The following FAAH2 variants were observed in gnomAD, a reference collection of about 807,000 sequenced individuals.
FAAH2 encodes fatty acid amide hydrolase 2.
In FAAH2, 60 loss-of-function variants were observed where a neutral mutation model predicts 36.9. The observed-to-expected ratio is 1.63, with a 90% CI of 1.32 to 2.02. The LOEUF (loss-of-function observed/expected upper bound fraction) is 2.02, where lower values mean the gene tolerates loss of function less well. Ranked by LOEUF, FAAH2 falls within the 30% of genes most tolerant of loss-of-function variation. The pLI is 0.00. For synonymous variants in FAAH2, 214 were observed against 143.8 expected (o/e 1.49, Z -3.49); for missense variants, 689 against 397.5 (o/e 1.73, Z -6.23).
intron 3 of FAAH2, among the ~76,000 whole-genome samples, chrX:57,325,631 G>A (rs1019805822): frequency 5.0e-4 from 49 of 98,207 alleles, no homozygotes; most frequent in African/African-American, 1.5e-3. Flanking sequence ...TTGCATACAG[G>A]TGTTTATAGT....
the FAAH2 span, among the ~76,000 whole-genome samples, chrX:57,193,560 C>T: frequency 9.0e-6 from 1 of 111,457 alleles, no homozygotes; most frequent in Non-Finnish European, 1.9e-5. Context: ...GCTGGTTTTG[C>T]AGCTTGTGGA....
At chrX:57,465,393 A>C (rs2147229826) in intron 10 of FAAH2, among the ~76,000 whole-genome samples, 1 of 111,659 alleles carries the variant, frequency 9.0e-6, no homozygotes, top group Admixed American at 9.6e-5. Context: ...TAAGTAGGAC[A>C]AATGCAAAGA....
At chrX:57,206,685 G>A in the FAAH2 span, among the ~76,000 whole-genome samples, 2 of 112,092 alleles carry the variant, frequency 1.8e-5, no homozygotes, top group East Asian at 2.8e-4. Context: ...GTCTTGCTCA[G>A]CTAAGGGGAT....
chrX:57,253,924 T>C, the FAAH2 span, among the ~76,000 whole-genome samples: 1 of 111,563 alleles, frequency 9.0e-6, no homozygotes, highest in African/African-American at 3.3e-5. Context: ...CACATAACAA[T>C]ATTAACCTTA....
the FAAH2 span, among the ~76,000 whole-genome samples, chrX:57,171,656 T>C: frequency 8.9e-6 from 1 of 112,026 alleles, no homozygotes; most frequent in Non-Finnish European, 1.9e-5. Context: ...AGATTCTGGA[T>C]ATTAGTCTTC....
At chrX:57,403,023 C>T (rs966024092) in intron 7 of FAAH2, among the ~76,000 whole-genome samples, 4 of 111,972 alleles carry the variant, frequency 3.6e-5, no homozygotes, top group Non-Finnish European at 5.6e-5. Context: ...AAGGATTGTC[C>T]TAACCCTTGT....
chrX:57,440,443 AT>A (rs752600752), intron 8 of FAAH2, among the ~76,000 whole-genome samples: 4 of 111,193 alleles, frequency 3.6e-5, no homozygotes, highest in Non-Finnish European at 7.5e-5. Flanking sequence ...ATTTTTGCGC[AT>A]TGATTTTGTA....
At chrX:57,179,922 G>A in the FAAH2 span, among the ~76,000 whole-genome samples, 1 of 111,968 alleles carries the variant, frequency 8.9e-6, no homozygotes, top group Non-Finnish European at 1.9e-5. Context: ...AACACCCTCA[G>A]ATAACAGCAC....
chrX:57,488,886 A>G lies in FAAH2; in HGVS notation c.1553A>G (p.Tyr518Cys), dbSNP rs145187637. 122 of 1,208,672 alleles carry G rather than the reference A, an allele frequency of 1.0e-4. No individual in the cohort carries two copies. The African/African-American group carries it at 2.0e-3, about 20-fold the overall frequency. ...NDHLTLAVAQYLEKTFGGWVC... is the reference protein window; with the variant it reads ...NDHLTLAVAQCLEKTFGGWVC... The stretch of plus-strand genomic sequence containing the variant: ...CATCTGACCCTGGCTGTGGCCCAGT[A>G]CTTGGAGAAAACTTTTGGGGGCTGG... The change falls in exon 11 of 11, where the codon TAC becomes TGC. Residue 518 changes from tyrosine to cysteine, a missense_variant. Coordinates refer to ENST00000374900, the MANE Select transcript of FAAH2 (RefSeq NM_174912.4).
the FAAH2 span, among the ~76,000 whole-genome samples, chrX:57,163,304 C>G: frequency 0.01 from 1,147 of 112,187 alleles, 11 homozygotes; most frequent in Middle Eastern, 0.023. Flanking sequence ...GAAGTTACTG[C>G]TGTCTTTTTT....
At chrX:57,257,024 A>T in the FAAH2 span, among the ~76,000 whole-genome samples, 1 of 112,452 alleles carries the variant, frequency 8.9e-6, no homozygotes. Context: ...AATGGCAACC[A>T]TTAAAAAGTC....
intron 2 of FAAH2, among the ~76,000 whole-genome samples, chrX:57,293,382 GA>G (rs1388883403): frequency 3.6e-5 from 4 of 112,061 alleles, no homozygotes; most frequent in Admixed American, 9.5e-5. Flanking sequence ...ATATTTTAAT[GA>G]AATATAAGTA....
chrX:57,304,847 A>T (rs913602575), intron 2 of FAAH2, among the ~76,000 whole-genome samples: 8 of 111,572 alleles, frequency 7.2e-5, no homozygotes, highest in African/African-American at 2.6e-4. Context: ...TATTGTGAGG[A>T]TGGAACAACT....
At chrX:57,139,129 AG>A in the FAAH2 span, among the ~76,000 whole-genome samples, 1 of 112,433 alleles carries the variant, frequency 8.9e-6, no homozygotes, top group East Asian at 2.8e-4. Flanking sequence ...ATCGTTGCTC[AG>A]ACCAATGTCC....
intron 10 of FAAH2, among the ~76,000 whole-genome samples, chrX:57,478,320 A>C (rs1217143084): frequency 4.5e-5 from 5 of 110,930 alleles, no homozygotes; most frequent in African/African-American, 1.6e-4. Flanking sequence ...TCCTTTGCCC[A>C]CTTTTTGATG....
chrX:57,394,624 G>A, intron 7 of FAAH2: 4 of 1,107,476 alleles, frequency 3.6e-6, no homozygotes, highest in Middle Eastern at 3.1e-4. Flanking sequence ...TGAGCCCTAA[G>A]CCACCAGGAA....
chrX:57,332,322 A>T (rs908635606), intron 4 of FAAH2, among the ~76,000 whole-genome samples: 6 of 112,459 alleles, frequency 5.3e-5, no homozygotes, highest in Non-Finnish European at 9.4e-5. Flanking sequence ...GGTTACTGTG[A>T]TGATTAAAAA....
intron 10 of FAAH2, among the ~76,000 whole-genome samples, chrX:57,455,876 A>T (rs981155085): frequency 1.8e-5 from 2 of 112,081 alleles, no homozygotes; most frequent in Admixed American, 1.9e-4. Context: ...CATCCCACTC[A>T]CTGAGTTAGA....
At chrX:57,265,240 T>G in the FAAH2 span, among the ~76,000 whole-genome samples, 1 of 111,672 alleles carries the variant, frequency 9.0e-6, no homozygotes, top group African/African-American at 3.3e-5. Context: ...TCCAGCTTTC[T>G]GGGCTTCCTG....
Sources: allele counts gnomAD v4.1 joint callset (sites outside exome capture counted in the v4.1 genomes callset), GRCh38; gene constraint gnomAD v4.1.1; transcripts MANE v1.5; gene names NCBI Gene and HGNC (gene_info 2026-07-23, HGNC 2026-07-21).